TFDP2: variants seen among roughly 807,000 people sequenced by gnomAD.
TFDP2 encodes the protein transcription factor Dp-2.
A neutral mutation model predicts 59.3 loss-of-function variants in TFDP2; 17 were observed. The observed-to-expected ratio is 0.29, with a 90% CI of 0.20 to 0.43. The LOEUF (loss-of-function observed/expected upper bound fraction) is 0.43. TFDP2 is among the 20% of genes least tolerant of loss of function. The probability of loss-of-function intolerance (pLI) is 1.00; values close to 1 mark genes in which losing one functional copy is unlikely to be tolerated. For missense variants in TFDP2, 391 were observed against 528.8 expected (o/e 0.74, Z 2.56); for synonymous variants, 180 against 194.7 (o/e 0.92, Z 0.63).
chr3:142,123,596 T>C (rs2062131058), intron 1 of TFDP2, among the ~76,000 whole-genome samples: 1 of 152,158 alleles, frequency 6.6e-6, no homozygotes, highest in East Asian at 1.9e-4. Flanking sequence ...GCATGCAAAA[T>C]GATGAAATAA....
intron 1 of TFDP2, among the ~76,000 whole-genome samples, chr3:142,122,952 G>A (rs879451161): frequency 1.3e-5 from 2 of 151,664 alleles, no homozygotes; most frequent in Non-Finnish European, 2.9e-5. Context: ...GTATGATTAC[G>A]TTTATATAAA....
Position 141,948,732 on chromosome 3 carries a change from C to T in TFDP2, c.*3781G>A, listed in dbSNP as rs1182801961. The T allele has an allele frequency of 2.0e-5, 3 of 151,900 alleles. No individual in the cohort carries two copies. The highest frequency in any genetic ancestry group is 4.4e-5 in the Non-Finnish European group (3 of 68,028). The allele number at this position is 151,900 out of a possible 1,614,324, so 9.4% of individuals were successfully genotyped here. Reference sequence around the variant, plus strand: ...TCTGCTGTCTCTATGACCCAAGTAGCCAAAAAGAGTTGTGGTTTAGCAAAC... The same window carrying T: ...TCTGCTGTCTCTATGACCCAAGTAGTCAAAAAGAGTTGTGGTTTAGCAAAC... On this transcript the variant is annotated 3_prime_UTR_variant, in exon 13 of 13. Transcript: ENST00000489671.
At chr3:141,978,401 C>A (rs561198807) in intron 7 of TFDP2, 119 bp downstream of exon 7, 7 of 1,060,176 alleles carry the variant, frequency 6.6e-6, no homozygotes, top group Admixed American at 3.2e-5. Context: ...ACAAAAAATC[C>A]CCCAAAATAA....
At chr3:141,982,685 A>G (rs11569216) in intron 6 of TFDP2, among the ~76,000 whole-genome samples, 19,015 of 152,168 alleles carry the variant, frequency 0.12, 1,338 homozygotes, top group East Asian at 0.18. Flanking sequence ...TCATACCTGG[A>G]TAATATTTAA....
At chr3:142,099,091 T>C (rs928796893) in intron 2 of TFDP2, among the ~76,000 whole-genome samples, 1 of 152,168 alleles carries the variant, frequency 6.6e-6, no homozygotes, top group African/African-American at 2.4e-5. Context: ...GAATACATGG[T>C]TAGTAATGCC....
rs1221031496 is a variant in TFDP2 at position 141,959,831 on chromosome 3, A to G, written c.894T>C (p.Tyr298=). 2 of 1,614,058 alleles carry G rather than the reference A, an allele frequency of 1.2e-6. No homozygotes were observed. Among genetic ancestry groups the G allele is most frequent in the Non-Finnish European group, 1.7e-6 (2 of 1,179,952 alleles). Residue 298 remains tyrosine, a synonymous_variant, in exon 11 of 13, where the codon TAT becomes TAC. Coordinates refer to ENST00000489671, the MANE Select transcript of TFDP2 (RefSeq NM_001178139.2). The part of the protein sequence containing the change: ...DCSISSDKFE[Y]LFNFDNTFEI... ...CAAAGGTGTTGTCAAAATTGAAAAG[A>G]TACTCAAACCTGCATCAGGAAACAA...
chr3:142,031,914 G>A (rs1283305395), intron 3 of TFDP2, among the ~76,000 whole-genome samples: 2 of 138,448 alleles, frequency 1.4e-5, no homozygotes, highest in Admixed American at 1.6e-4. Flanking sequence ...CATTGTACCT[G>A]TACTTACATT....
chr3:142,078,275 C>G (rs1186852056), intron 3 of TFDP2, among the ~76,000 whole-genome samples: 1 of 152,202 alleles, frequency 6.6e-6, no homozygotes, highest in African/African-American at 2.4e-5. Context: ...GGGAAGAACA[C>G]AAACCCAGCT....
intron 3 of TFDP2, among the ~76,000 whole-genome samples, chr3:142,061,889 TACACACACACACACACACACACACACACA>T (rs1370015982): frequency 2.5e-5 from 2 of 79,956 alleles, no homozygotes; most frequent in Non-Finnish European, 5.2e-5. Context: ...TCTCTCTCTC[TACACACACACACACACACACACACACACA>T]CACACACACA....
chr3:142,100,215 T>C (rs924331728), intron 2 of TFDP2, among the ~76,000 whole-genome samples: 3 of 152,242 alleles, frequency 2.0e-5, no homozygotes, highest in Non-Finnish European at 2.9e-5. Flanking sequence ...CCTCACACAC[T>C]GTGCTGGACC....
At chr3:142,066,218 T>C (rs2060070486) in intron 3 of TFDP2, among the ~76,000 whole-genome samples, 1 of 152,226 alleles carries the variant, frequency 6.6e-6, no homozygotes, top group African/African-American at 2.4e-5. Flanking sequence ...GCTTCTTTTA[T>C]TCCTGTTTCC....
intron 1 of TFDP2, among the ~76,000 whole-genome samples, chr3:142,138,189 T>C (rs992836522): frequency 2.6e-5 from 4 of 152,342 alleles, no homozygotes; most frequent in African/African-American, 9.6e-5. Context: ...TCTCTGATGG[T>C]AGTTTGTATT....
chr3:142,142,222 A>C (rs1190142134), intron 1 of TFDP2, among the ~76,000 whole-genome samples: 1 of 152,210 alleles, frequency 6.6e-6, no homozygotes, highest in Non-Finnish European at 1.5e-5. Flanking sequence ...CAAGAAAAGT[A>C]TTATTAATAG....
intron 3 of TFDP2, among the ~76,000 whole-genome samples, chr3:142,071,571 G>A (rs2060250397): frequency 6.6e-6 from 1 of 152,184 alleles, no homozygotes; most frequent in Admixed American, 6.5e-5. Flanking sequence ...GAAAAAGTAT[G>A]CAGCTACAGT....
intron 1 of TFDP2, among the ~76,000 whole-genome samples, chr3:142,134,898 G>A (rs1366513041): frequency 6.6e-6 from 1 of 152,044 alleles, no homozygotes; most frequent in Non-Finnish European, 1.5e-5. Context: ...TGATGACAGA[G>A]ACATGTACTA....
intron 5 of TFDP2, chr3:141,994,429 A>G (rs1200929329): frequency 2.0e-5 from 3 of 152,172 alleles, no homozygotes; most frequent in African/African-American, 4.8e-5. Flanking sequence ...TTTTTCTTTT[A>G]TGGAAGTATG....
chr3:141,980,460 C>G (rs34026748), intron 6 of TFDP2, among the ~76,000 whole-genome samples: 2 of 151,968 alleles, frequency 1.3e-5, no homozygotes, highest in African/African-American at 4.8e-5. Context: ...TTGTTAACTA[C>G]AGCAACCTAT....
intron 3 of TFDP2, among the ~76,000 whole-genome samples, chr3:142,034,283 G>A (rs528558344): frequency 3.7e-4 from 56 of 151,900 alleles, no homozygotes; most frequent in African/African-American, 1.3e-3. Context: ...ATTTTTAGTA[G>A]AGACAGCGTT....
intron 4 of TFDP2, among the ~76,000 whole-genome samples, chr3:141,996,696 A>G (rs1194597969): frequency 6.6e-6 from 1 of 152,228 alleles, no homozygotes; most frequent in Non-Finnish European, 1.5e-5. Context: ...TCTGAAGCAT[A>G]AAAATAGTTC....
Sources: gnomAD v4.1 joint callset for allele counts (sites outside exome capture counted in the v4.1 genomes callset) on GRCh38, gnomAD v4.1.1 for gene constraint, MANE v1.5 for transcripts, NCBI Gene and HGNC (gene_info 2026-07-23, HGNC 2026-07-21) for gene names.